Variants in NECTIN2 observed in about 807,000 individuals in gnomAD.
The protein encoded by NECTIN2 is nectin-2.
In NECTIN2, 23 loss-of-function variants were observed where a neutral mutation model predicts 56.9. The ratio of observed to expected loss-of-function variants is 0.40; its 90% CI spans 0.29 to 0.57. The LOEUF (loss-of-function observed/expected upper bound fraction) is 0.57, where lower values mean the gene tolerates loss of function less well. Ranked by LOEUF, NECTIN2 falls within the 20% of genes least tolerant of loss-of-function variation. NECTIN2 has a pLI of 0.38. For missense variants in NECTIN2, 587 were observed against 718.3 expected (o/e 0.82, Z 2.09); for synonymous variants, 302 against 313.8 (o/e 0.96, Z 0.40).
intron 1 of NECTIN2, among the ~76,000 whole-genome samples, chr19:44,861,928 C>G (rs1969035852): frequency 6.6e-6 from 1 of 152,206 alleles, no homozygotes; most frequent in Non-Finnish European, 1.5e-5. Context: ...ATTATGAAGA[C>G]AGTATGGCGA....
rs558038582 is a variant in NECTIN2, at chr19:44,847,293, C to T, written c.88+680C>T. Among the ~76,000 whole-genome samples the T allele has an allele frequency of 2.6e-5, 4 of 152,206 alleles. No homozygotes were observed. The East Asian group carries it at 7.7e-4, about 29-fold the overall frequency. On this transcript the variant is annotated intron_variant, in intron 1 of 8. Transcript: ENST00000252483. ...GGGCCGGGGGCTCCGTCTTCAGGGTCCCTGGTAGAATGGAGGCTAGGCGCT... is the reference window on the plus strand; with the variant it reads ...GGGCCGGGGGCTCCGTCTTCAGGGTTCCTGGTAGAATGGAGGCTAGGCGCT...
chr19:44,870,389 AGAG>A (rs1969159599), intron 2 of NECTIN2, among the ~76,000 whole-genome samples: 1 of 152,140 alleles, frequency 6.6e-6, no homozygotes, highest in Admixed American at 6.6e-5. Context: ...GCTGGGAAGA[AGAG>A]GAGAGTCAGA....
At chr19:44,859,298 A>G (rs570489728) in intron 1 of NECTIN2, among the ~76,000 whole-genome samples, 1 of 152,266 alleles carries the variant, frequency 6.6e-6, no homozygotes, top group South Asian at 2.1e-4. Flanking sequence ...CTGGGGCCCT[A>G]TGCTGAGTGT....
chr19:44,851,626 A>C (rs1004635476), intron 1 of NECTIN2, among the ~76,000 whole-genome samples: 8 of 152,218 alleles, frequency 5.3e-5, no homozygotes, highest in African/African-American at 1.9e-4. Flanking sequence ...GGAAGCCTGC[A>C]GGTGCAGTCC....
intron 1 of NECTIN2, among the ~76,000 whole-genome samples, chr19:44,856,266 T>C (rs1387623329): frequency 1.3e-5 from 2 of 152,184 alleles, no homozygotes; most frequent in Non-Finnish European, 2.9e-5. Context: ...CACTACACTC[T>C]GGCCTGGGTG....
At chr19:44,858,407 G>A (rs528550326) in intron 1 of NECTIN2, among the ~76,000 whole-genome samples, 22 of 151,530 alleles carry the variant, frequency 1.5e-4, no homozygotes, top group African/African-American at 5.1e-4. Flanking sequence ...GTGCAGTGGC[G>A]AGGTCTCTGG....
At chr19:44,872,615 C>T (rs1969188728) in intron 3 of NECTIN2, among the ~76,000 whole-genome samples, 1 of 151,890 alleles carries the variant, frequency 6.6e-6, no homozygotes, top group Non-Finnish European at 1.5e-5. Flanking sequence ...TGCCCCTGGA[C>T]CGTTAGATCA....
At chr19:44,848,955 A>G (rs1036421638) in intron 1 of NECTIN2, among the ~76,000 whole-genome samples, 3 of 151,936 alleles carry the variant, frequency 2.0e-5, no homozygotes, top group East Asian at 1.9e-4. Context: ...CCGTGTGTCC[A>G]TGTCCGCCAG....
intron 5 of NECTIN2, chr19:44,878,076 C>T (rs2122699768): frequency 1.8e-6 from 1 of 559,856 alleles, no homozygotes; most frequent in South Asian, 2.5e-5. Context: ...TTCTTCTGCC[C>T]AGAGTCACCC....
At chr19:44,866,366 C>T (rs1969102010) in intron 2 of NECTIN2, among the ~76,000 whole-genome samples, 1 of 151,788 alleles carries the variant, frequency 6.6e-6, no homozygotes, top group African/African-American at 2.4e-5. Flanking sequence ...GATCATGCCA[C>T]TACACTCTAG....
intron 8 of NECTIN2, among the ~76,000 whole-genome samples, chr19:44,887,366 G>A (rs2122719219): frequency 6.6e-6 from 1 of 151,854 alleles, no homozygotes; most frequent in South Asian, 2.1e-4. Context: ...AAAAAGGCCG[G>A]GTGCGGTTGC....
At chr19:44,877,922 G>T (rs938646368) in intron 5 of NECTIN2, among the ~76,000 whole-genome samples, 2 of 152,204 alleles carry the variant, frequency 1.3e-5, no homozygotes, top group African/African-American at 2.4e-5. Context: ...TTTTTGAAAG[G>T]TTGGCTAGCA....
chr19:44,846,957 C>A (rs1380771870), intron 1 of NECTIN2, among the ~76,000 whole-genome samples: 1 of 152,056 alleles, frequency 6.6e-6, no homozygotes, highest in African/African-American at 2.4e-5. Flanking sequence ...CACCCCGCGC[C>A]GAGTAGTTCA....
chr19:44,870,459 A>T (rs921758195), intron 2 of NECTIN2, among the ~76,000 whole-genome samples: 7 of 152,104 alleles, frequency 4.6e-5, no homozygotes, highest in African/African-American at 1.7e-4. Context: ...AGAAGATGTG[A>T]GTCTGGGTGG....
At chr19:44,882,804 C>T (rs1328152793) in intron 6 of NECTIN2, among the ~76,000 whole-genome samples, 2 of 126,430 alleles carry the variant, frequency 1.6e-5, no homozygotes, top group Non-Finnish European at 3.2e-5. Flanking sequence ...TTTTTTGTGA[C>T]GGAGTCTCAC....
chr19:44,868,926 T>A (rs1403582416), intron 2 of NECTIN2, among the ~76,000 whole-genome samples: 3 of 124,542 alleles, frequency 2.4e-5, no homozygotes, highest in Non-Finnish European at 3.5e-5. Context: ...AAAAAAAAAA[T>A]ATGTTGGAAG....
At chr19:44,870,905 T>C (rs1420843095) in intron 2 of NECTIN2, among the ~76,000 whole-genome samples, 2 of 152,048 alleles carry the variant, frequency 1.3e-5, no homozygotes, top group African/African-American at 4.8e-5. Flanking sequence ...AATTTTTGCA[T>C]TTTTAGTAGA....
In NECTIN2 at chr19:44,874,521, T is replaced by A. The variant is rs1383520720; in HGVS notation, c.1042+43T>A. The A allele has an allele frequency of 1.2e-6, 2 of 1,605,038 alleles. No homozygotes were observed. Among genetic ancestry groups the A allele is most frequent in the African/African-American group, 1.3e-5 (1 of 74,952 alleles). On this transcript the variant is annotated intron_variant, in intron 5 of 8. Coordinates refer to ENST00000252483, the MANE Select transcript of NECTIN2 (RefSeq NM_001042724.2). The surrounding 1 kb of genome is among the most constrained non-coding windows in gnomAD (Gnocchi z 6.3). ...GCCGTGTGTGGAGACCTGGGTCCGC[T>A]CCCCTGGAGTTCTGCCCTTCAGGAC...
At chr19:44,886,280 G>C in intron 8 of NECTIN2, 61 bp downstream of exon 8, 1 of 1,396,042 alleles carries the variant, frequency 7.2e-7, no homozygotes, top group Non-Finnish European at 1.0e-6. Context: ...CCAGGGGTCA[G>C]GCCTGGCAAA....
Sources: gnomAD v4.1 joint callset for allele counts (sites outside exome capture counted in the v4.1 genomes callset) on GRCh38, gnomAD v4.1.1 for gene constraint, Gnocchi (gnomAD v3.1) non-coding constraint, MANE v1.5 for transcripts, NCBI Gene and HGNC (gene_info 2026-07-23, HGNC 2026-07-21) for gene names.